Variants in DSG2 observed in about 807,000 individuals in gnomAD.
DSG2 encodes desmoglein 2.
Under a neutral mutation model 75.6 loss-of-function variants are expected in DSG2, and 45 were observed. The ratio of observed to expected loss-of-function variants is 0.60; its 90% CI spans 0.47 to 0.76. DSG2 has a LOEUF of 0.76. DSG2 is among the 30% of genes least tolerant of loss of function. The probability of loss-of-function intolerance (pLI) is 0.00; values close to 1 mark genes in which losing one functional copy is unlikely to be tolerated. For synonymous variants in DSG2, 429 were observed against 483.9 expected, an observed-to-expected ratio of 0.89 and a Z score of 1.49; for missense variants, 1,267 against 1,357.4, an observed-to-expected ratio of 0.93 and a Z score of 1.05.
chr18:31,528,495 T>C (rs930816680), intron 8 of DSG2, among the ~76,000 whole-genome samples: 2 of 152,146 alleles, frequency 1.3e-5, no homozygotes, highest in African/African-American at 4.8e-5. Flanking sequence ...GGGGATCACC[T>C]GAGCTCAGGA....
At chr18:31,533,493 A>C (rs2073210277) in intron 9 of DSG2, among the ~76,000 whole-genome samples, 1 of 152,208 alleles carries the variant, frequency 6.6e-6, no homozygotes, top group African/African-American at 2.4e-5. Flanking sequence ...CATGTGTATC[A>C]GCTGTTTACA....
In DSG2 at chr18:31,547,190, A is replaced by G. The variant is rs115419348; in HGVS notation, c.*447A>G. On this transcript the variant is annotated 3_prime_UTR_variant, in exon 15 of 15. Transcript: ENST00000261590. ...CTTTACTGCACCCAGCAGACTTTCA[A>G]CAACTCATTGATCCAAAGATACATG... 9.6e-4 allele frequency: 258 copies of G among 267,378 alleles called. 1 individual carries two copies. Among genetic ancestry groups the G allele is most frequent in the African/African-American group, 5.3e-3 (241 of 45,306 alleles). The allele number at this position is 267,378 out of a possible 1,614,324, so 16.6% of individuals were successfully genotyped here.
Position 31,545,834 on chromosome 18 carries a change from T to C in DSG2, c.2448T>C (p.Phe816=). 1 of 1,614,158 alleles carries C rather than the reference T, an allele frequency of 6.2e-7. No homozygotes were observed. Among genetic ancestry groups the C allele is most frequent in the Non-Finnish European group, 8.5e-7 (1 of 1,180,028 alleles). Reference sequence around the variant, plus strand: ...ATGCTTCTATTGGTTGTTGCAGTTTTATTGAAGGAGAGCTAGATGACCGCT... The same window carrying C: ...ATGCTTCTATTGGTTGTTGCAGTTTCATTGAAGGAGAGCTAGATGACCGCT... The part of the protein sequence containing the change: ...SLNASIGCCS[F]IEGELDDRFL... Residue 816 remains phenylalanine (F), a synonymous_variant, in exon 15 of 15, where the codon TTT becomes TTC. Coordinates refer to ENST00000261590, the MANE Select transcript of DSG2 (RefSeq NM_001943.5).
At chr18:31,523,824 C>T (rs1264021665) in intron 6 of DSG2, among the ~76,000 whole-genome samples, 3 of 152,206 alleles carry the variant, frequency 2.0e-5, no homozygotes, top group African/African-American at 7.2e-5. Context: ...GAATTGGAAC[C>T]CAGGCAGATG....
chr18:31,543,654 C>T (rs2073284722), intron 14 of DSG2, among the ~76,000 whole-genome samples: 1 of 151,928 alleles, frequency 6.6e-6, no homozygotes, highest in Non-Finnish European at 1.5e-5. Context: ...TCACTTGAGC[C>T]CAGAAGTTCA....
chr18:31,524,332 A>T, intron 6 of DSG2, 116 bp from the exon 7 acceptor site: 1 of 1,404,800 alleles, frequency 7.1e-7, no homozygotes. Context: ...AGCAGATCAT[A>T]AAACAGATTT....
rs1295022734 is a variant in DSG2 at position 31,541,176 on chromosome 18, A to G, written c.1880-17A>G. On this transcript the variant is annotated splice_polypyrimidine_tract_variant and intron_variant, in intron 12 of 14. Transcript: ENST00000261590. ...TCAAGGTTAACCTTATCTGTGTTCA[A>G]TTTTGTGTCTGTACAGTGGTACCAC... 9 of 1,614,140 alleles carry G rather than the reference A, an allele frequency of 5.6e-6. No homozygotes were observed. The highest frequency in any genetic ancestry group is 2.2e-5 in the East Asian group (1 of 44,880).
At chr18:31,538,704 C>T (rs995826103) in intron 11 of DSG2, 47 bp from the exon 12 acceptor site, 29 of 1,477,202 alleles carry the variant, frequency 2.0e-5, no homozygotes, top group Middle Eastern at 3.4e-4. Context: ...TTGCCTCATC[C>T]TTGGTAATCG....
At chr18:31,514,879 T>A (rs2073085675) in intron 1 of DSG2, among the ~76,000 whole-genome samples, 1 of 152,258 alleles carries the variant, frequency 6.6e-6, no homozygotes, top group Admixed American at 6.5e-5. Flanking sequence ...TAGAGGACTG[T>A]AAATTACTTC....
At position 31,547,676 on chromosome 18, in the gene DSG2, C is replaced by CA. The variant is rs368604939; in HGVS notation, c.*944dup. On this transcript the variant is annotated 3_prime_UTR_variant, in exon 15 of 15. Transcript: ENST00000261590. ...TGGGCAACAGAGTGAGATTCCGTCT[C>CA]AAAAAAAAAAAGAAAAGGAAAAAAA... The CA allele has an allele frequency of 0.21, 27,361 of 129,824 alleles. 3,436 individuals carry two copies. Among genetic ancestry groups the CA allele is most frequent in the African/African-American group, 0.39 (14,423 of 36,644 alleles). The allele number at this position is 129,824 out of a possible 1,614,324, so 8.0% of individuals were successfully genotyped here. A position where few individuals can be genotyped will look rare whatever the true frequency, so the allele number is the denominator to read the frequency against.
intron 8 of DSG2, among the ~76,000 whole-genome samples, chr18:31,527,249 A>G (rs1598814376): frequency 6.6e-6 from 1 of 152,346 alleles, no homozygotes; most frequent in East Asian, 1.9e-4. Context: ...GGTTTGTAGC[A>G]TAGGAGCAAT....
At chr18:31,524,330 A>G in intron 6 of DSG2, 118 bp from the exon 7 acceptor site, 1 of 1,385,720 alleles carries the variant, frequency 7.2e-7, no homozygotes, top group Non-Finnish European at 1.0e-6. Context: ...ATAGCAGATC[A>G]TAAAACAGAT....
At chr18:31,525,726 G>A (rs1310602621) in intron 8 of DSG2, among the ~76,000 whole-genome samples, 2 of 152,294 alleles carry the variant, frequency 1.3e-5, no homozygotes, top group East Asian at 3.9e-4. Flanking sequence ...AAATCCACTT[G>A]TGATTCTAAT....
intron 11 of DSG2, among the ~76,000 whole-genome samples, chr18:31,538,507 C>T (rs1047438890): frequency 6.6e-6 from 1 of 152,184 alleles, no homozygotes; most frequent in Non-Finnish European, 1.5e-5. Context: ...CCTAGACCCA[C>T]ACACATTGGT....
Position 31,519,909 on chromosome 18 carries a change from A to T in DSG2, c.188A>T (p.Asp63Val). ...TAPVALREGE[D>V]LSKKNPIAKI... is the part of the protein sequence containing the mutation. ...CCCGTGGCTCTTCGGGAGGGAGAGG[A>T]TCTGTCCAAGAAGAATCCAATTGCC... is the stretch of plus-strand genomic sequence containing the variant. Residue 63 changes from aspartate to valine, a missense_variant, in exon 3 of 15, where the codon GAT (aspartate) becomes GTT (valine). Transcript: ENST00000261590. 1.9e-6 allele frequency: 3 copies of T among 1,614,172 alleles called. No homozygotes were observed. The highest frequency in any genetic ancestry group is 2.5e-6 in the Non-Finnish European group (3 of 1,180,032).
At position 31,530,980 on chromosome 18, in the gene DSG2, C is replaced by G. The variant is rs2073193503; in HGVS notation, c.1015-7C>G. The G allele has an allele frequency of 1.2e-6, 2 of 1,613,592 alleles. No homozygotes were observed. The highest frequency in any genetic ancestry group is 1.7e-6 in the Non-Finnish European group (2 of 1,179,886). ...TGAAAAGAATTCCCTTTGGTTTTCC[C>G]TTTCAGGAAGTAGATTATGAAGAAA... On this transcript the variant is annotated splice_polypyrimidine_tract_variant and splice_region_variant and intron_variant, in intron 8 of 14. Coordinates refer to ENST00000261590, the MANE Select transcript of DSG2 (RefSeq NM_001943.5).
At chr18:31,537,150 GT>G (rs34096640) in intron 11 of DSG2, among the ~76,000 whole-genome samples, 34,515 of 150,444 alleles carry the variant, frequency 0.23, 4,556 homozygotes, top group East Asian at 0.47. Context: ...ACAATAGTCA[GT>G]TTTTTTTTTA....
At chr18:31,544,780 G>A (rs963226484) in intron 14 of DSG2, among the ~76,000 whole-genome samples, 2 of 152,114 alleles carry the variant, frequency 1.3e-5, no homozygotes, top group Admixed American at 6.6e-5. Flanking sequence ...TTTTTAAAAA[G>A]TAGGACTGGG....
intron 1 of DSG2, among the ~76,000 whole-genome samples, chr18:31,505,953 G>A (rs996782149): frequency 3.3e-5 from 5 of 152,078 alleles, no homozygotes; most frequent in East Asian, 1.9e-4. Flanking sequence ...GCACCTGGCC[G>A]AGTAGTAAAT....
Sources: allele counts gnomAD v4.1 joint callset (sites outside exome capture counted in the v4.1 genomes callset), GRCh38; gene constraint gnomAD v4.1.1; transcripts MANE v1.5; gene names NCBI Gene and HGNC (gene_info 2026-07-23, HGNC 2026-07-21).